Variants in CYSLTR1 observed in about 807,000 individuals in gnomAD.
CYSLTR1 encodes the protein G-protein coupled receptor HG55.
CYSLTR1 carries 1 observed loss-of-function variant against 2.1 expected under a neutral mutation model. The observed-to-expected ratio is 0.48, with a 90% CI of 0.17 to 2.28. CYSLTR1 has a LOEUF of 2.28. CYSLTR1 is among the 30% of genes most tolerant of loss of function. The pLI is 0.26. For missense variants in CYSLTR1, 299 were observed against 250.1 expected (o/e 1.20, Z -1.32); for synonymous variants, 110 against 89.6 (o/e 1.23, Z -1.28).
chrX:78,293,346 C>T (rs779465096), intron 1 of CYSLTR1, among the ~76,000 whole-genome samples: 23 of 111,879 alleles, frequency 2.1e-4, no homozygotes, highest in South Asian at 1.5e-3. Flanking sequence ...CTGAGAGATC[C>T]GCTGTTAGTC....
chrX:78,296,440 A>G (rs764987460), intron 1 of CYSLTR1, among the ~76,000 whole-genome samples: 3 of 111,881 alleles, frequency 2.7e-5, no homozygotes, highest in Admixed American at 9.5e-5. Flanking sequence ...GAAGAATGTC[A>G]TTGATATTTT....
At chrX:78,308,903 G>T (rs989426356) in intron 1 of CYSLTR1, among the ~76,000 whole-genome samples, 3 of 111,240 alleles carry the variant, frequency 2.7e-5, no homozygotes, top group African/African-American at 9.8e-5. Context: ...CCTGATCTGT[G>T]TTTCCCTGGG....
chrX:78,305,035 A>G (rs1229251024), intron 1 of CYSLTR1, among the ~76,000 whole-genome samples: 1 of 111,567 alleles, frequency 9.0e-6, no homozygotes, highest in Non-Finnish European at 1.9e-5. Flanking sequence ...TGGTCTGGAA[A>G]CAGTATGGCT....
rs187975737 is a variant in CYSLTR1, at chrX:78,275,705, A to C, written c.-27-1932T>G. On this transcript the variant is annotated intron_variant, in intron 2 of 2. Coordinates refer to ENST00000373304, the MANE Select transcript of CYSLTR1 (RefSeq NM_006639.4). ...TGTAACAAACTTGCACGTTGTGCACATGTACCCTAGAACTTAAAGTATAAT... is the reference window on the plus strand; with the variant it reads ...TGTAACAAACTTGCACGTTGTGCACCTGTACCCTAGAACTTAAAGTATAAT... Among the ~76,000 whole-genome samples the C allele has an allele frequency of 3.8e-3, 426 of 111,600 alleles. 1 individual carries two copies. The highest frequency in any genetic ancestry group is 0.013 in the African/African-American group (394 of 30,693).
At chrX:78,301,798 C>T (rs753739384) in intron 1 of CYSLTR1, among the ~76,000 whole-genome samples, 3 of 111,766 alleles carry the variant, frequency 2.7e-5, no homozygotes, top group Non-Finnish European at 5.6e-5. Context: ...TGTTATTAGT[C>T]TGTTTTCATG....
At chrX:78,281,503 C>G (rs1165511948) in intron 2 of CYSLTR1, among the ~76,000 whole-genome samples, 1 of 110,578 alleles carries the variant, frequency 9.0e-6, no homozygotes. Flanking sequence ...GAACTCCTGA[C>G]CTCTGGTTAT....
intron 1 of CYSLTR1, among the ~76,000 whole-genome samples, chrX:78,324,289 C>A (rs774070965): frequency 7.1e-5 from 8 of 112,681 alleles, no homozygotes; most frequent in Non-Finnish European, 1.5e-4. Context: ...GAATGGCTTT[C>A]TTTATTGCCT....
intron 1 of CYSLTR1, among the ~76,000 whole-genome samples, chrX:78,287,807 G>T (rs760320897): frequency 2.7e-5 from 3 of 111,100 alleles, no homozygotes; most frequent in Non-Finnish European, 3.8e-5. Context: ...AGACAGGAGG[G>T]AGAAATTACA....
intron 2 of CYSLTR1, among the ~76,000 whole-genome samples, chrX:78,280,928 T>A (rs1431497631): frequency 7.1e-5 from 8 of 112,430 alleles, no homozygotes; most frequent in African/African-American, 9.7e-5. Context: ...TTCTTTTTTA[T>A]GGCTGCATAG....
chrX:78,312,755 C>T (rs1244299172), intron 1 of CYSLTR1, among the ~76,000 whole-genome samples: 1 of 111,815 alleles, frequency 8.9e-6, no homozygotes, highest in East Asian at 2.8e-4. Flanking sequence ...AAATTAAAAC[C>T]ACAGTAAAAT....
chrX:78,301,606 T>C (rs1333396615), intron 1 of CYSLTR1, among the ~76,000 whole-genome samples: 1 of 112,018 alleles, frequency 8.9e-6, no homozygotes, highest in East Asian at 2.8e-4. Context: ...GTCCATATTA[T>C]TATCAGCATT....
intron 1 of CYSLTR1, among the ~76,000 whole-genome samples, chrX:78,292,720 T>C (rs1038909312): frequency 1.8e-5 from 2 of 111,572 alleles, no homozygotes; most frequent in African/African-American, 6.5e-5. Flanking sequence ...TACCATTATG[T>C]AATGGCCTTC....
intron 2 of CYSLTR1, among the ~76,000 whole-genome samples, chrX:78,281,957 T>C (rs748326474): frequency 6.2e-5 from 7 of 112,407 alleles, no homozygotes; most frequent in African/African-American, 2.3e-4. Context: ...CTTGGCCTGA[T>C]ATTTAAGGCT....
intron 1 of CYSLTR1, among the ~76,000 whole-genome samples, chrX:78,302,742 G>A (rs779958094): frequency 7.0e-4 from 78 of 110,814 alleles, no homozygotes; most frequent in Admixed American, 8.6e-4. Context: ...AGGGCCTCAC[G>A]ACTCTGACTG....
intron 1 of CYSLTR1, among the ~76,000 whole-genome samples, chrX:78,306,166 G>C (rs745388313): frequency 9.0e-6 from 1 of 111,432 alleles, no homozygotes; most frequent in Non-Finnish European, 1.9e-5. Context: ...GTCGTTGAGG[G>C]TTTTTCTTTT....
rs1003375463 is a variant in CYSLTR1, at chrX:78,308,242, G to A, written c.-115+19063C>T. On this transcript the variant is annotated intron_variant, in intron 1 of 2. Transcript: ENST00000373304. ...TAGTGAGTAGAATGAAATGGAAGTG[G>A]CCTTATAACTGTGTATGTAAATGGT... Among the ~76,000 whole-genome samples the A allele has an allele frequency of 5.4e-5, 6 of 111,723 alleles. No homozygotes were observed. In the South Asian group the frequency reaches 1.9e-3, roughly 35 times the overall value.
At chrX:78,277,573 G>T (rs1271952335) in intron 2 of CYSLTR1, among the ~76,000 whole-genome samples, 2 of 111,318 alleles carry the variant, frequency 1.8e-5, no homozygotes, top group Non-Finnish European at 3.8e-5. Flanking sequence ...AGCACAGCAG[G>T]TCCTTAATCT....
chrX:78,325,878 T>A, intron 1 of CYSLTR1, among the ~76,000 whole-genome samples: 1 of 112,245 alleles, frequency 8.9e-6, no homozygotes, highest in Non-Finnish European at 1.9e-5. Context: ...GGAAGAGTCT[T>A]GCTTTTATGA....
chrX:78,294,993 G>C (rs1603410641), intron 1 of CYSLTR1, among the ~76,000 whole-genome samples: 1 of 112,103 alleles, frequency 8.9e-6, no homozygotes, highest in Non-Finnish European at 1.9e-5. Flanking sequence ...TGCACCCACT[G>C]TCCAACAAGT....
Sources: allele counts gnomAD v4.1 joint callset (sites outside exome capture counted in the v4.1 genomes callset), GRCh38; gene constraint gnomAD v4.1.1; transcripts MANE v1.5; gene names NCBI Gene and HGNC (gene_info 2026-07-23, HGNC 2026-07-21).